GSG1L: variants seen among roughly 807,000 people sequenced by gnomAD.
GSG1L encodes GSG1 like.
In GSG1L, 24 loss-of-function variants were observed where a neutral mutation model predicts 42.1. The observed-to-expected ratio is 0.57, with a 90% CI of 0.41 to 0.80. The LOEUF is 0.80. GSG1L is among the 30% of genes least tolerant of loss of function. The probability of loss-of-function intolerance (pLI) is 0.00; values close to 1 mark genes in which losing one functional copy is unlikely to be tolerated. For missense variants in GSG1L, 445 were observed against 472.2 expected (o/e 0.94, Z 0.53); for synonymous variants, 215 against 203.5 (o/e 1.06, Z -0.48).
intron 1 of GSG1L, among the ~76,000 whole-genome samples, chr16:28,044,622 G>C (rs1311424235): frequency 1.7e-5 from 2 of 116,666 alleles, no homozygotes; most frequent in South Asian, 2.9e-4. Context: ...GGCAACGAAT[G>C]CTTTTTTTTT....
At position 27,847,742 on chromosome 16, in the gene GSG1L, G is replaced by C. The variant is rs139596533; in HGVS notation, c.551-2681C>G. The stretch of plus-strand genomic sequence containing the variant: ...TGATAGCGAGTGAGTTCTCACGAGA[G>C]AGCTGGTTGTTTAAAAGTGTGTAGC... On this transcript the variant is annotated intron_variant, in intron 3 of 6. Transcript: ENST00000447459. Among the ~76,000 whole-genome samples, 645 of 152,318 alleles carry C rather than the reference G, an allele frequency of 4.2e-3. 2 individuals are homozygous for C. Among genetic ancestry groups the C allele is most frequent in the Non-Finnish European group, 7.1e-3 (481 of 68,026 alleles).
intron 3 of GSG1L, among the ~76,000 whole-genome samples, chr16:27,874,287 T>C (rs377016513): frequency 2.0e-5 from 3 of 151,900 alleles, no homozygotes; most frequent in East Asian, 1.9e-4. Context: ...GCCTTGCAAT[T>C]AGAGGGCTGG....
At chr16:28,050,494 G>A (rs1225683773) in intron 1 of GSG1L, among the ~76,000 whole-genome samples, 1 of 152,120 alleles carries the variant, frequency 6.6e-6, no homozygotes, top group African/African-American at 2.4e-5. Flanking sequence ...AGAAGGGCTG[G>A]AATTGGAGGC....
intron 6 of GSG1L, among the ~76,000 whole-genome samples, chr16:27,804,037 G>GGATAGATAGATATAGATA (rs1455236652): frequency 3.0e-5 from 4 of 132,676 alleles, no homozygotes; most frequent in African/African-American, 1.2e-4. Context: ...TAGATTAGAT[G>GGATAGATAGATATAGATA]GATAGATAGA....
chr16:27,949,937 C>A (rs1453909592), intron 2 of GSG1L, among the ~76,000 whole-genome samples: 1 of 152,048 alleles, frequency 6.6e-6, no homozygotes, highest in East Asian at 1.9e-4. Context: ...AACAAACAAA[C>A]AAACAAACAA....
At position 27,905,165 on chromosome 16, in the gene GSG1L, G is replaced by A. The variant is rs374830344; in HGVS notation, c.398-20527C>T. ...TTGTGCTAAAAATTCACCCCAGAGA[G>A]GGGACAAGATTTGAAGAAGGTCACA... is the stretch of plus-strand genomic sequence containing the variant. On this transcript the variant is annotated intron_variant, in intron 2 of 6. Coordinates refer to ENST00000447459, the MANE Select transcript of GSG1L (RefSeq NM_001109763.2). Among the ~76,000 whole-genome samples the A allele has an allele frequency of 3.3e-5, 5 of 152,308 alleles. No individual in the cohort carries two copies. The East Asian group carries it at 5.8e-4, about 18-fold the overall frequency.
At chr16:27,999,481 C>T (rs950852334) in intron 1 of GSG1L, among the ~76,000 whole-genome samples, 1 of 152,104 alleles carries the variant, frequency 6.6e-6, no homozygotes, top group African/African-American at 2.4e-5. Flanking sequence ...ATACATAATC[C>T]AAAATACGAT....
chr16:27,850,895 C>T (rs1319547410), intron 3 of GSG1L, among the ~76,000 whole-genome samples: 1 of 151,728 alleles, frequency 6.6e-6, no homozygotes, highest in Non-Finnish European at 1.5e-5. Context: ...CCAGACTCAG[C>T]CTCCCAAAGC....
At chr16:28,014,505 A>C (rs877890) in intron 1 of GSG1L, among the ~76,000 whole-genome samples, 8,177 of 152,020 alleles carry the variant, frequency 0.054, 306 homozygotes, top group East Asian at 0.12. Flanking sequence ...TCATTTTCTT[A>C]ATTTTCATTT....
chr16:27,874,012 A>T (rs1382401922), intron 3 of GSG1L, among the ~76,000 whole-genome samples: 1 of 152,140 alleles, frequency 6.6e-6, no homozygotes, highest in East Asian at 1.9e-4. Flanking sequence ...AGTTGCCCCA[A>T]ACTGAACATA....
At chr16:27,858,098 A>C (rs1243607495) in intron 3 of GSG1L, among the ~76,000 whole-genome samples, 1 of 152,208 alleles carries the variant, frequency 6.6e-6, no homozygotes, top group Non-Finnish European at 1.5e-5. Context: ...CTGGCTAGTT[A>C]AGTTTTAAGT....
chr16:27,798,070 A>G (rs2082840790), intron 6 of GSG1L, among the ~76,000 whole-genome samples: 1 of 152,178 alleles, frequency 6.6e-6, no homozygotes, highest in Non-Finnish European at 1.5e-5. Flanking sequence ...AATTACCTAC[A>G]GGGTACGTTG....
intron 1 of GSG1L, among the ~76,000 whole-genome samples, chr16:28,023,674 G>A (rs79409827): frequency 0.015 from 2,216 of 152,212 alleles, 24 homozygotes; most frequent in Middle Eastern, 0.034. Flanking sequence ...CATCATTATT[G>A]TCCATTTCAC....
chr16:28,020,194 C>T (rs2085825411), intron 1 of GSG1L, among the ~76,000 whole-genome samples: 1 of 152,220 alleles, frequency 6.6e-6, no homozygotes, highest in Admixed American at 6.5e-5. Flanking sequence ...GCATTGGCGA[C>T]TCAGTCCACC....
intron 2 of GSG1L, among the ~76,000 whole-genome samples, chr16:27,957,065 T>G (rs980796261): frequency 2.0e-5 from 3 of 152,150 alleles, no homozygotes; most frequent in Non-Finnish European, 4.4e-5. Flanking sequence ...GTTCACAACA[T>G]CAACTGGGTG....
At chr16:27,979,688 A>AGAGAGAGAG (rs1567542842) in intron 1 of GSG1L, among the ~76,000 whole-genome samples, 1 of 27,774 alleles carries the variant, frequency 3.6e-5, no homozygotes, top group Non-Finnish European at 7.8e-5. Flanking sequence ...AGAAAGAAAG[A>AGAGAGAGAG]AGGAAGGAAG....
intron 1 of GSG1L, among the ~76,000 whole-genome samples, chr16:27,979,284 G>C (rs188615913): frequency 2.6e-5 from 4 of 151,956 alleles, no homozygotes. Flanking sequence ...AAGAAAAAAA[G>C]GTCGGACATG....
intron 2 of GSG1L, among the ~76,000 whole-genome samples, chr16:27,959,461 G>C (rs1168283666): frequency 1.4e-5 from 2 of 138,064 alleles, no homozygotes; most frequent in Non-Finnish European, 3.1e-5. Context: ...GAGTGAAACT[G>C]TGTCAAGAAA....
chr16:27,869,875 A>ATC (rs1387293486), intron 3 of GSG1L, among the ~76,000 whole-genome samples: 1 of 24,710 alleles, frequency 4.0e-5, no homozygotes. Flanking sequence ...GTCTCCCTCC[A>ATC]TCTCTCTGTC....
Sources: gnomAD v4.1 joint callset for allele counts (sites outside exome capture counted in the v4.1 genomes callset) on GRCh38, gnomAD v4.1.1 for gene constraint, MANE v1.5 for transcripts, NCBI Gene and HGNC (gene_info 2026-07-23, HGNC 2026-07-21) for gene names.